Variants in CACNA1D observed in about 807,000 individuals in gnomAD.
The protein encoded by CACNA1D is calcium voltage-gated channel subunit alpha1 D, also known as voltage-dependent L-type calcium channel subunit alpha-1D.
In CACNA1D, 55 loss-of-function variants were observed where a neutral mutation model predicts 257.1. The ratio of observed to expected loss-of-function variants is 0.21; its 90% CI spans 0.17 to 0.27. The LOEUF (loss-of-function observed/expected upper bound fraction) is 0.27, where lower values mean the gene tolerates loss of function less well. Ranked by LOEUF, CACNA1D falls within the 10% of genes least tolerant of loss-of-function variation. The pLI, the probability that CACNA1D is intolerant of heterozygous loss-of-function variation, is 1.00. For missense variants in CACNA1D, 1,876 were observed against 2,784.0 expected (o/e 0.67, Z 7.34); for synonymous variants, 980 against 1,014.9 (o/e 0.97, Z 0.65).
At chr3:53,624,427 C>T (rs1022109319) in intron 3 of CACNA1D, among the ~76,000 whole-genome samples, 4 of 152,252 alleles carry the variant, frequency 2.6e-5, no homozygotes, top group African/African-American at 9.6e-5. Context: ...CTGAGCCCTC[C>T]TGGCTAGTGA....
intron 14 of CACNA1D, among the ~76,000 whole-genome samples, chr3:53,726,504 G>A (rs1049091584): frequency 3.3e-5 from 5 of 152,142 alleles, no homozygotes; most frequent in Non-Finnish European, 5.9e-5. Context: ...GAGTGTGGTG[G>A]TGGTCACCTG....
chr3:53,595,857 T>C (rs893594622), intron 3 of CACNA1D, among the ~76,000 whole-genome samples: 4 of 152,156 alleles, frequency 2.6e-5, no homozygotes, highest in African/African-American at 9.7e-5. Context: ...TTTTGTGACA[T>C]GTGCCTGGAG....
At chr3:53,707,912 T>C (rs1411881786) in intron 9 of CACNA1D, among the ~76,000 whole-genome samples, 1 of 152,202 alleles carries the variant, frequency 6.6e-6, no homozygotes, top group Non-Finnish European at 1.5e-5. Context: ...TTCCTCTAAG[T>C]AAAGATATTT....
intron 3 of CACNA1D, among the ~76,000 whole-genome samples, chr3:53,620,857 C>T (rs548291658): frequency 1.3e-5 from 2 of 152,282 alleles, no homozygotes; most frequent in East Asian, 1.9e-4. Flanking sequence ...CTTTTAGCAT[C>T]AGTTGAGACC....
chr3:53,604,609 T>C (rs1414399856), intron 3 of CACNA1D, among the ~76,000 whole-genome samples: 1 of 152,170 alleles, frequency 6.6e-6, no homozygotes, highest in Non-Finnish European at 1.5e-5. Flanking sequence ...GGTCCTTGCT[T>C]TAAAATGGGG....
At position 53,561,282 on chromosome 3, in the gene CACNA1D, T is replaced by C. The variant is rs144130431; in HGVS notation, c.483+59562T>C. 2.2e-3 allele frequency among the ~76,000 whole-genome samples: 330 copies of C among 152,300 alleles called. 2 individuals carry two copies. The highest frequency in any genetic ancestry group is 3.4e-3 in the Middle Eastern group (1 of 294). On this transcript the variant is annotated intron_variant, in intron 3 of 47. Transcript: ENST00000350061. The stretch of plus-strand genomic sequence containing the variant: ...AAAGCCATGTCAATAATGGTATAGG[T>C]CATTGAAAGCCTTATACTTTAAGAC...
At chr3:53,803,698 A>G in intron 44 of CACNA1D, 126 bp downstream of exon 44, 2 of 864,276 alleles carry the variant, frequency 2.3e-6, no homozygotes, top group Non-Finnish European at 3.9e-6. Context: ...GGGAGCAGAA[A>G]CTCCAGGCCA....
At chr3:53,628,037 A>T (rs1468159164) in intron 3 of CACNA1D, among the ~76,000 whole-genome samples, 2 of 152,038 alleles carry the variant, frequency 1.3e-5, no homozygotes, top group Non-Finnish European at 2.9e-5. Context: ...ATAAATAAAT[A>T]AAATAAAATA....
intron 3 of CACNA1D, among the ~76,000 whole-genome samples, chr3:53,533,853 A>C (rs1332101926): frequency 6.6e-6 from 1 of 152,170 alleles, no homozygotes; most frequent in Non-Finnish European, 1.5e-5. Flanking sequence ...CATTTCCTTC[A>C]ATACGCTGGG....
chr3:53,506,448 T>C (rs1214812232), intron 3 of CACNA1D, among the ~76,000 whole-genome samples: 1 of 152,190 alleles, frequency 6.6e-6, no homozygotes, highest in Non-Finnish European at 1.5e-5. Context: ...TGAGTGACTT[T>C]GGATGGAACT....
In CACNA1D at chr3:53,585,534, A is replaced by G. The variant is rs114651652; in HGVS notation, c.484-65245A>G. ...CTATTTTCATTACAGCATTATCAAA[A>G]CTTGTGATTCTACCTCCCTAACATG... On this transcript the variant is annotated intron_variant, in intron 3 of 47. Coordinates refer to ENST00000350061, the MANE Select transcript of CACNA1D (RefSeq NM_001128840.3). 3.3e-3 allele frequency among the ~76,000 whole-genome samples: 501 copies of G among 152,186 alleles called. 3 individuals carry two copies. Among genetic ancestry groups the G allele is most frequent in the Middle Eastern group, 0.014 (4 of 292 alleles).
chr3:53,539,908 G>T (rs920149451), intron 3 of CACNA1D, among the ~76,000 whole-genome samples: 13 of 152,120 alleles, frequency 8.5e-5, no homozygotes, highest in Middle Eastern at 3.2e-3. Flanking sequence ...TTCTATTCAA[G>T]TTGTTTCAGT....
chr3:53,724,460 C>A (rs780158733), intron 14 of CACNA1D, among the ~76,000 whole-genome samples: 2 of 152,214 alleles, frequency 1.3e-5, no homozygotes, highest in Non-Finnish European at 2.9e-5. Context: ...GGAACTGTGG[C>A]AGCCATTGGT....
chr3:53,517,718 G>C (rs1204264932), intron 3 of CACNA1D, among the ~76,000 whole-genome samples: 1 of 152,058 alleles, frequency 6.6e-6, no homozygotes, highest in Non-Finnish European at 1.5e-5. Context: ...TCCTGACCTT[G>C]TGATCCACCC....
rs2093464192 is a variant in CACNA1D, at chr3:53,603,004, A to C, written c.484-47775A>C. Among the ~76,000 whole-genome samples the C allele has an allele frequency of 2.0e-5, 3 of 152,202 alleles. No individual in the cohort carries two copies. The South Asian group carries it at 6.2e-4, about 31-fold the overall frequency. ...TTGTCCCTCTTGGAGAGTGAGATGCAGTTGCGTCACAGGATGTTGTCATAT... is the reference window on the plus strand; with the variant it reads ...TTGTCCCTCTTGGAGAGTGAGATGCCGTTGCGTCACAGGATGTTGTCATAT... On this transcript the variant is annotated intron_variant, in intron 3 of 47. Coordinates refer to ENST00000350061, the MANE Select transcript of CACNA1D (RefSeq NM_001128840.3).
intron 30 of CACNA1D, among the ~76,000 whole-genome samples, chr3:53,768,272 C>T (rs2095346634): frequency 6.6e-6 from 1 of 152,130 alleles, no homozygotes; most frequent in African/African-American, 2.4e-5. Context: ...ATAAGTTGTG[C>T]ACATTTCAGA....
At chr3:53,638,021 G>A (rs567314523) in intron 3 of CACNA1D, among the ~76,000 whole-genome samples, 5 of 152,288 alleles carry the variant, frequency 3.3e-5, no homozygotes, top group East Asian at 3.9e-4. Context: ...GGTATGATCC[G>A]TGTTTCTATG....
chr3:53,700,075 T>C, intron 8 of CACNA1D, among the ~76,000 whole-genome samples: 1 of 146,438 alleles, frequency 6.8e-6, no homozygotes. Flanking sequence ...TATATAATTA[T>C]ATAATTTAAA....
chr3:53,781,626 C>T lies in CACNA1D; in HGVS notation c.4751C>T (p.Thr1584Ile), dbSNP rs1363404977. 1.2e-6 allele frequency: 2 copies of T among 1,613,890 alleles called. No homozygotes were observed. Among genetic ancestry groups the T allele is most frequent in the Admixed American group, 1.7e-5 (1 of 59,998 alleles). ...GTGATAAAGAAAATTTGGAAGAAAA[C>T]CAGCATGAAATTACTTGACCAAGTT... Reference protein sequence around the residue: ...RAVIKKIWKKTSMKLLDQVVP... With the variant: ...RAVIKKIWKKISMKLLDQVVP... The change falls in exon 39 of 48, where the codon ACC becomes ATC. Residue 1584 changes from threonine to isoleucine, a missense_variant. Thr to Ile is a moderately conservative substitution (Grantham distance 89). This residue lies in a region of CACNA1D where 160 missense variants were observed against 236.6 expected (regional missense o/e 0.68). Coordinates refer to ENST00000350061, the MANE Select transcript of CACNA1D (RefSeq NM_001128840.3).
Sources: allele counts gnomAD v4.1 joint callset (sites outside exome capture counted in the v4.1 genomes callset), GRCh38; gene constraint gnomAD v4.1.1; regional missense constraint gnomAD v4.1.1; transcripts MANE v1.5; gene names NCBI Gene and HGNC (gene_info 2026-07-23, HGNC 2026-07-21).